GPBP1: variants seen among roughly 807,000 people sequenced by gnomAD.
GPBP1 encodes the protein vasculin.
GPBP1 carries 13 observed loss-of-function variants against 56.5 expected under a neutral mutation model. That is an observed-to-expected ratio of 0.23 (90% CI 0.15 to 0.37). GPBP1 has a LOEUF of 0.37. Ranked by LOEUF, GPBP1 falls within the 10% of genes least tolerant of loss-of-function variation. The pLI is 1.00. For synonymous variants in GPBP1, 204 were observed against 188.9 expected (o/e 1.08, Z -0.66); for missense variants, 477 against 572.3 (o/e 0.83, Z 1.70).
chr5:57,237,364 T>A lies in GPBP1; in HGVS notation c.478+1332T>A, dbSNP rs1740572442. 2.2e-5 allele frequency: 12 copies of A among 537,802 alleles called. No homozygotes were observed. In the South Asian group the frequency reaches 2.8e-4, roughly 12 times the overall value. The allele number at this position is 537,802 out of a possible 1,614,324, so 33.3% of individuals were successfully genotyped here. A position where few individuals can be genotyped will look rare whatever the true frequency, so the allele number is the denominator to read the frequency against. On this transcript the variant is annotated intron_variant, in intron 6 of 11. Transcript: ENST00000506184. ...AACTATCTATAGATACTATTGGTAC[T>A]GATCCTGGGTTGATTTAATAATCTT...
chr5:57,255,529 C>T (rs1043189920), intron 10 of GPBP1, among the ~76,000 whole-genome samples: 1 of 152,180 alleles, frequency 6.6e-6, no homozygotes, highest in Non-Finnish European at 1.5e-5. Context: ...AAAACACAAA[C>T]ATATCAGATA....
chr5:57,199,538 T>TTA (rs975611410), intron 2 of GPBP1, among the ~76,000 whole-genome samples: 108 of 150,964 alleles, frequency 7.2e-4, no homozygotes, highest in East Asian at 3.9e-3. Flanking sequence ...TCTTTTCTTT[T>TTA]TATATATATA....
intron 6 of GPBP1, among the ~76,000 whole-genome samples, chr5:57,242,034 GTTA>G (rs1740860055): frequency 6.6e-6 from 1 of 152,078 alleles, no homozygotes; most frequent in Admixed American, 6.6e-5. Context: ...TTACTTACAG[GTTA>G]TTGTTACCAT....
chr5:57,246,803 C>T (rs1441991938), intron 7 of GPBP1, among the ~76,000 whole-genome samples: 1 of 151,934 alleles, frequency 6.6e-6, no homozygotes, highest in Non-Finnish European at 1.5e-5. Flanking sequence ...TGGAAACTCA[C>T]ATGTTTTTTC....
intron 2 of GPBP1, among the ~76,000 whole-genome samples, chr5:57,203,805 A>G (rs1281603568): frequency 6.6e-6 from 1 of 152,194 alleles, no homozygotes; most frequent in African/African-American, 2.4e-5. Flanking sequence ...TTATGAATGC[A>G]GTTTCATGTT....
chr5:57,243,838 C>G (rs941127463), intron 6 of GPBP1, among the ~76,000 whole-genome samples: 1 of 151,734 alleles, frequency 6.6e-6, no homozygotes, highest in Non-Finnish European at 1.5e-5. Flanking sequence ...GTGCACATCA[C>G]TGTGTCTGGC....
chr5:57,181,927 A>C (rs565201151), intron 2 of GPBP1, among the ~76,000 whole-genome samples: 2 of 152,170 alleles, frequency 1.3e-5, no homozygotes, highest in Non-Finnish European at 2.9e-5. Context: ...ACCCATCACA[A>C]TAGTTAACAG....
At chr5:57,235,925 TA>T (rs769766157) in intron 5 of GPBP1, 40 bp from the exon 6 acceptor site, 1 of 1,401,086 alleles carries the variant, frequency 7.1e-7, no homozygotes, top group South Asian at 1.2e-5. Context: ...TTAAATGATT[TA>T]TTTTTAAAAT....
At chr5:57,208,364 G>C (rs963107446) in intron 2 of GPBP1, among the ~76,000 whole-genome samples, 2 of 151,956 alleles carry the variant, frequency 1.3e-5, no homozygotes, top group East Asian at 1.9e-4. Context: ...GTCCCAAGTA[G>C]CTGGGACCAC....
intron 2 of GPBP1, among the ~76,000 whole-genome samples, chr5:57,184,490 G>T (rs920459669): frequency 2.0e-5 from 3 of 152,058 alleles, no homozygotes; most frequent in Middle Eastern, 3.4e-3. Context: ...GTGAGGTGAG[G>T]GGGGAGGTGC....
rs964609190 is a variant in GPBP1, at chr5:57,208,748, C to T, written c.-57-5326C>T. On this transcript the variant is annotated intron_variant, in intron 2 of 11. Transcript: ENST00000506184. ...CTCGGCTCACTGCAACCTCTGCCTC[C>T]TGGGTTCAAGCGATTCTCCTACCTC... 7.3e-5 allele frequency among the ~76,000 whole-genome samples: 11 copies of T among 150,858 alleles called. No individual in the cohort carries two copies. In the Admixed American group the frequency reaches 7.3e-4, roughly 10 times the overall value.
At chr5:57,198,166 T>C (rs534295998) in intron 2 of GPBP1, among the ~76,000 whole-genome samples, 1 of 152,204 alleles carries the variant, frequency 6.6e-6, no homozygotes, top group South Asian at 2.1e-4. Context: ...ATCTGCAGTT[T>C]TGCAGTCCTA....
chr5:57,194,053 C>T (rs1561328943), intron 2 of GPBP1, among the ~76,000 whole-genome samples: 1 of 152,160 alleles, frequency 6.6e-6, no homozygotes, highest in Non-Finnish European at 1.5e-5. Flanking sequence ...GTCTACCCTG[C>T]TCTACAGTCT....
chr5:57,204,224 A>G (rs1459225548), intron 2 of GPBP1, among the ~76,000 whole-genome samples: 1 of 152,172 alleles, frequency 6.6e-6, no homozygotes, highest in Non-Finnish European at 1.5e-5. Context: ...AAAATAGAAT[A>G]AACATGTTTT....
chr5:57,253,714 T>C (rs1320696122), intron 10 of GPBP1, among the ~76,000 whole-genome samples: 1 of 152,240 alleles, frequency 6.6e-6, no homozygotes, highest in African/African-American at 2.4e-5. Context: ...TTATTTCTAA[T>C]TTTTTCAAAT....
At chr5:57,194,081 T>G (rs1754645804) in intron 2 of GPBP1, among the ~76,000 whole-genome samples, 1 of 152,254 alleles carries the variant, frequency 6.6e-6, no homozygotes, top group Non-Finnish European at 1.5e-5. Context: ...CTTAATGAAC[T>G]TAGAACATTA....
At chr5:57,196,297 C>T (rs1754746893) in intron 2 of GPBP1, among the ~76,000 whole-genome samples, 1 of 152,106 alleles carries the variant, frequency 6.6e-6, no homozygotes, top group South Asian at 2.1e-4. Flanking sequence ...AGCCACCATG[C>T]CTGGCCTCAG....
Position 57,240,082 on chromosome 5 carries a change from CAAAAATA to C in GPBP1, c.478+4064_478+4070del, listed in dbSNP as rs578243310. On this transcript the variant is annotated intron_variant, in intron 6 of 11. Coordinates refer to ENST00000506184, the MANE Select transcript of GPBP1 (RefSeq NM_022913.4). ...TCTCATAGGGAGACCCTTGTCTCTACAAAAATAAAAAATAAAAAATTAACTGGACGTG... is the reference window on the plus strand; with the variant it reads ...TCTCATAGGGAGACCCTTGTCTCTACAAAAATAAAAAATTAACTGGACGTG... 1.7e-3 allele frequency among the ~76,000 whole-genome samples: 253 copies of C among 151,856 alleles called. 2 individuals carry two copies. Among genetic ancestry groups the C allele is most frequent in the Admixed American group, 0.013 (198 of 15,254 alleles).
chr5:57,196,053 G>A (rs971295198), intron 2 of GPBP1, among the ~76,000 whole-genome samples: 1 of 142,344 alleles, frequency 7.0e-6, no homozygotes. Context: ...AAGTCAATAT[G>A]ATATCTGCAC....
Sources: gnomAD v4.1 joint callset for allele counts (sites outside exome capture counted in the v4.1 genomes callset) on GRCh38, gnomAD v4.1.1 for gene constraint, MANE v1.5 for transcripts, NCBI Gene and HGNC (gene_info 2026-07-23, HGNC 2026-07-21) for gene names.